Variants in SSH2 observed in about 807,000 individuals in gnomAD.
The protein encoded by SSH2 is slingshot protein phosphatase 2, also known as protein phosphatase Slingshot homolog 2.
Under a neutral mutation model 135.2 loss-of-function variants are expected in SSH2, and 37 were observed. That is an observed-to-expected ratio of 0.27 (90% CI 0.21 to 0.36). The LOEUF (loss-of-function observed/expected upper bound fraction) is 0.36. Among genes scored for constraint, SSH2 ranks in the 10% least tolerant of loss-of-function variants. SSH2 has a pLI of 1.00. For missense variants in SSH2, 1,408 were observed against 1,765.3 expected, an observed-to-expected ratio of 0.80 and a Z score of 3.63; for synonymous variants, 628 against 646.2, an observed-to-expected ratio of 0.97 and a Z score of 0.43.
At chr17:29,886,795 A>T (rs2066247446) in intron 1 of SSH2, among the ~76,000 whole-genome samples, 1 of 151,782 alleles carries the variant, frequency 6.6e-6, no homozygotes, top group Non-Finnish European at 1.5e-5. Context: ...TGATGATGTG[A>T]TAGAAAATAA....
chr17:29,638,706 G>A (rs901116454), intron 14 of SSH2, among the ~76,000 whole-genome samples: 3 of 152,024 alleles, frequency 2.0e-5, no homozygotes, highest in East Asian at 1.9e-4. Flanking sequence ...TTGCCACCAC[G>A]CCTGGCTGAT....
intron 2 of SSH2, among the ~76,000 whole-genome samples, chr17:29,824,421 C>T (rs1034607606): frequency 5.9e-5 from 9 of 152,162 alleles, no homozygotes; most frequent in African/African-American, 2.2e-4. Context: ...AACAGACCCT[C>T]CCCTGTGTCT....
chr17:29,928,398 T>C (rs1597529233), intron 1 of SSH2: 1 of 396,866 alleles, frequency 2.5e-6, no homozygotes. Flanking sequence ...AGAAATAGTC[T>C]TAGAAGTCCC....
chr17:29,695,308 C>G, intron 5 of SSH2, 151 bp downstream of exon 5: 1 of 543,082 alleles, frequency 1.8e-6, no homozygotes, highest in Non-Finnish European at 3.2e-6. Context: ...CAGTCTTAAA[C>G]CATCAAATTA....
At chr17:29,707,808 A>G (rs79789084) in intron 3 of SSH2, among the ~76,000 whole-genome samples, 7,852 of 152,060 alleles carry the variant, frequency 0.052, 626 homozygotes, top group African/African-American at 0.17. Flanking sequence ...TTACAGGTGT[A>G]AGCCACCATG....
Position 29,636,272 on chromosome 17 carries a change from G to A in SSH2, c.1958C>T (p.Ser653Phe), listed in dbSNP as rs1474009941. ...LTSPLKDPPM[S>F]PDPESPSPQP... ...GGGGCTTGGTGACTCAGGATCAGGG[G>A]ACATGGGGGGGTCTTTCAGTGGAGA... Residue 653 changes from serine (S) to phenylalanine (F), a missense_variant, in exon 15 of 16, where the codon TCC becomes TTC. Coordinates refer to ENST00000540801, the MANE Select transcript of SSH2 (RefSeq NM_001282129.2). 1 of 1,614,154 alleles carries A rather than the reference G, an allele frequency of 6.2e-7. No homozygotes were observed. Among genetic ancestry groups the A allele is most frequent in the South Asian group, 1.1e-5 (1 of 91,088 alleles).
chr17:29,774,712 A>G (rs997169390), intron 3 of SSH2, among the ~76,000 whole-genome samples: 1 of 152,194 alleles, frequency 6.6e-6, no homozygotes, highest in Non-Finnish European at 1.5e-5. Context: ...TTAAAAATGA[A>G]GTTTTTATTC....
intron 1 of SSH2, among the ~76,000 whole-genome samples, chr17:29,899,862 T>C (rs1302619750): frequency 1.3e-5 from 2 of 152,114 alleles, no homozygotes; most frequent in African/African-American, 4.8e-5. Flanking sequence ...GGAGGCATCA[T>C]GCTACCTGAC....
At chr17:29,772,770 AACTCCAGGCTCTCTGGACTTGGG>A (rs1213911514) in intron 3 of SSH2, among the ~76,000 whole-genome samples, 52 of 152,048 alleles carry the variant, frequency 3.4e-4, no homozygotes, top group Non-Finnish European at 4.9e-4. Flanking sequence ...TGGACATCAG[AACTCCAGGCTCTCTGGACTTGGG>A]ACTCCAGGCT....
At position 29,629,026 on chromosome 17, in the gene SSH2, T is replaced by A. The variant is rs887286659; in HGVS notation, c.*1815A>T. The A allele has an allele frequency of 1.3e-5, 2 of 152,282 alleles. No homozygotes were observed. The highest frequency in any genetic ancestry group is 4.8e-5 in the African/African-American group (2 of 41,444). The allele number at this position is 152,282 out of a possible 1,614,324, so 9.4% of individuals were successfully genotyped here. A position where few individuals can be genotyped will look rare whatever the true frequency, so the allele number is the denominator to read the frequency against. ...TGCTGTGATAAGCCAAAAACCTGTC[T>A]CCAGTCTATACTCAGTCAATCCTCA... On this transcript the variant is annotated 3_prime_UTR_variant, in exon 16 of 16. Transcript: ENST00000540801.
chr17:29,696,673 G>A (rs1193612993), intron 4 of SSH2, among the ~76,000 whole-genome samples: 5 of 88,888 alleles, frequency 5.6e-5, no homozygotes, highest in Non-Finnish European at 6.7e-5. Context: ...ATATACGTAC[G>A]TGTGTGTGTG....
chr17:29,722,463 A>C (rs2039855729), intron 3 of SSH2, among the ~76,000 whole-genome samples: 2 of 152,188 alleles, frequency 1.3e-5, no homozygotes. Context: ...GATAAGCTGC[A>C]ATGTCCTTTG....
rs146631943 is a variant in SSH2, at chr17:29,713,289, C to T, written c.189-10227G>A. Among the ~76,000 whole-genome samples, 1,034 of 152,188 alleles carry T rather than the reference C, an allele frequency of 6.8e-3. 5 individuals are homozygous for T. Among genetic ancestry groups the T allele is most frequent in the Admixed American group, 0.014 (220 of 15,282 alleles). ...GGCGGAGGCTGCAGTGAGCCGAGAT[C>T]GCGCCACTGCACTCCAGCCTGGGCA... On this transcript the variant is annotated intron_variant, in intron 3 of 15. Transcript: ENST00000540801.
chr17:29,768,289 A>ATTT (rs545565554), intron 3 of SSH2, among the ~76,000 whole-genome samples: 7 of 139,808 alleles, frequency 5.0e-5, no homozygotes, highest in African/African-American at 7.9e-5. Flanking sequence ...ATAAATGTAA[A>ATTT]TTTTTTTTTT....
At chr17:29,658,944 A>C (rs2036907773) in intron 11 of SSH2, among the ~76,000 whole-genome samples, 1 of 151,506 alleles carries the variant, frequency 6.6e-6, no homozygotes, top group Non-Finnish European at 1.5e-5. Context: ...CCTATTGGTG[A>C]CATTTTCATT....
intron 3 of SSH2, among the ~76,000 whole-genome samples, chr17:29,713,059 G>A (rs1357245863): frequency 6.6e-6 from 1 of 152,000 alleles, no homozygotes; most frequent in Non-Finnish European, 1.5e-5. Flanking sequence ...GTTGAGGCTG[G>A]GCATGGTGGC....
At chr17:29,737,054 G>A (rs1453476636) in intron 3 of SSH2, among the ~76,000 whole-genome samples, 5 of 120,500 alleles carry the variant, frequency 4.1e-5, no homozygotes, top group Admixed American at 1.1e-4. Context: ...AGCCAAGATC[G>A]CACCACTGCA....
chr17:29,883,300 C>T (rs1431671226), intron 1 of SSH2, among the ~76,000 whole-genome samples: 2 of 152,122 alleles, frequency 1.3e-5, no homozygotes, highest in Non-Finnish European at 2.9e-5. Flanking sequence ...GTAATTCACA[C>T]ATTTTCCAAA....
intron 3 of SSH2, among the ~76,000 whole-genome samples, chr17:29,784,411 C>T (rs908139598): frequency 6.6e-6 from 1 of 150,910 alleles, no homozygotes; most frequent in African/African-American, 2.4e-5. Flanking sequence ...AATTGGGGGC[C>T]GAGGCAGGTG....
Sources: gnomAD v4.1 joint callset for allele counts (sites outside exome capture counted in the v4.1 genomes callset) on GRCh38, gnomAD v4.1.1 for gene constraint, MANE v1.5 for transcripts, NCBI Gene and HGNC (gene_info 2026-07-23, HGNC 2026-07-21) for gene names.